The following HYDIN variants were observed in gnomAD, a reference collection of about 807,000 sequenced individuals.
HYDIN encodes HYDIN axonemal central pair apparatus protein, also known as axonemal central pair apparatus protein HYDIN.
A neutral mutation model predicts 403.9 loss-of-function variants in HYDIN; 132 were observed. The observed-to-expected ratio is 0.33, with a 90% CI of 0.28 to 0.38. HYDIN has a LOEUF of 0.38. Among genes scored for constraint, HYDIN ranks in the 10% least tolerant of loss-of-function variants. The pLI, the probability that HYDIN is intolerant of heterozygous loss-of-function variation, is 1.00. For synonymous variants in HYDIN, 1,202 were observed against 1,891.7 expected, an observed-to-expected ratio of 0.64 and a Z score of 9.46; for missense variants, 2,827 against 5,009.5, an observed-to-expected ratio of 0.56 and a Z score of 13.15.
chr16:71,081,092 G>A (rs973063803), intron 12 of HYDIN: 41 of 151,930 alleles, frequency 2.7e-4, no homozygotes, highest in Admixed American at 6.6e-4. Flanking sequence ...AAAATATTAA[G>A]TATGTGTTGT....
At chr16:71,178,474 C>A (rs2086774133) in intron 4 of HYDIN, among the ~76,000 whole-genome samples, 1 of 145,994 alleles carries the variant, frequency 6.8e-6, no homozygotes, top group African/African-American at 2.5e-5. Context: ...TACACACACA[C>A]ATACATATAT....
intron 18 of HYDIN, among the ~76,000 whole-genome samples, chr16:71,047,300 T>C (rs2144218340): frequency 6.6e-6 from 1 of 152,336 alleles, no homozygotes; most frequent in South Asian, 2.1e-4. Flanking sequence ...AGGAAGGTGC[T>C]GACCCATCAT....
At chr16:70,830,769 T>G (rs574240969) in intron 80 of HYDIN, among the ~76,000 whole-genome samples, 1 of 152,160 alleles carries the variant, frequency 6.6e-6, no homozygotes, top group African/African-American at 2.4e-5. Context: ...GGAGATGCCC[T>G]TTACTGATGT....
intron 21 of HYDIN, 52 bp from the exon 22 acceptor site, chr16:71,020,369 G>A (rs1366308948): frequency 1.1e-5 from 17 of 1,573,170 alleles, no homozygotes; most frequent in Non-Finnish European, 1.4e-5. Flanking sequence ...AATACAGTAA[G>A]CTTTTAGCAA....
At chr16:71,217,313 G>C (rs1489555396) in intron 1 of HYDIN, among the ~76,000 whole-genome samples, 3 of 152,110 alleles carry the variant, frequency 2.0e-5, no homozygotes, top group African/African-American at 4.8e-5. Context: ...CATGAATACA[G>C]GTACCTCTAC....
At chr16:71,172,715 A>G (rs1410437571) in intron 5 of HYDIN, among the ~76,000 whole-genome samples, 1 of 152,198 alleles carries the variant, frequency 6.6e-6, no homozygotes, top group Non-Finnish European at 1.5e-5. Flanking sequence ...AATCCAATTG[A>G]AAGAGGGCTG....
At position 70,807,645 on chromosome 16, in the gene HYDIN, G is replaced by A. The variant is rs767804783; in HGVS notation, c.15301C>T (p.Pro5101Ser). The change falls in exon 86 of 86, where the codon CCT (proline) becomes TCT (serine). Residue 5101 changes from proline to serine, a missense_variant. By Grantham distance (74) the Pro-to-Ser change is moderately conservative (BLOSUM62 -1). Transcript: ENST00000393567. ...PITTKLTVSC[P>S]PGEGSETGVK... ...CCAGTCTCACTCCCTTCACCAGGAG[G>A]GCAGCTCACAGTCAGCTTGGTGGTG... 1.9e-6 allele frequency: 3 copies of A among 1,613,988 alleles called. No individual in the cohort carries two copies. Among genetic ancestry groups the A allele is most frequent in the Non-Finnish European group, 2.5e-6 (3 of 1,180,012 alleles).
chr16:70,908,831 C>T lies in HYDIN; in HGVS notation c.8035G>A (p.Gly2679Arg). 6.2e-7 allele frequency: 1 copy of T among 1,614,168 alleles called. No homozygotes were observed. The highest frequency in any genetic ancestry group is 8.5e-7 in the Non-Finnish European group (1 of 1,180,046). ...TTTTCTTTCATTTTCTGTTTGCCCCCCTTAGATGAGCTGGTCTGCTCCTCT... is the reference window on the plus strand; with the variant it reads ...TTTTCTTTCATTTTCTGTTTGCCCCTCTTAGATGAGCTGGTCTGCTCCTCT... The part of the protein sequence containing the change: ...AQEEQTSSSK[G>R]GKQKMKEKID... Residue 2679 changes from glycine (G) to arginine (R), a missense_variant, in exon 48 of 86, where the codon GGG (glycine) becomes AGG (arginine). Transcript: ENST00000393567.
chr16:71,089,692 C>T (rs1056972863), intron 11 of HYDIN, among the ~76,000 whole-genome samples: 10 of 152,056 alleles, frequency 6.6e-5, no homozygotes, highest in African/African-American at 2.4e-4. Flanking sequence ...GGCATGACTG[C>T]AGAATCCAGA....
At chr16:71,119,674 C>T (rs1308547020) in intron 9 of HYDIN, among the ~76,000 whole-genome samples, 1 of 152,106 alleles carries the variant, frequency 6.6e-6, no homozygotes, top group Non-Finnish European at 1.5e-5. Flanking sequence ...CAGAAGGATG[C>T]TTTCAATGTG....
intron 18 of HYDIN, among the ~76,000 whole-genome samples, chr16:71,034,085 A>T (rs1156363283): frequency 1.3e-5 from 2 of 151,416 alleles, no homozygotes; most frequent in Non-Finnish European, 3.0e-5. Context: ...AGCTTCGTGA[A>T]GCTCCCTGAG....
rs1242067597 is a variant in HYDIN, at chr16:70,921,119, C to T, written c.7257G>A (p.Lys2419=). The change falls in exon 46 of 86, where the codon AAG becomes AAA. Residue 2419 remains lysine, a synonymous_variant. Transcript: ENST00000393567. ...QTMSEKEELN[K]KKRNMGDVSM... is the part of the protein sequence containing the mutation. ...TGACATCGCCCATGTTCCTTTTCTT[C>T]TTATTTAGCTCTTCCTTCTCAGACA... 8 of 1,541,152 alleles carry T rather than the reference C, an allele frequency of 5.2e-6. No homozygotes were observed. The South Asian group carries it at 7.9e-5, about 15-fold the overall frequency.
chr16:71,200,060 T>C (rs2087913845), intron 1 of HYDIN, among the ~76,000 whole-genome samples: 1 of 152,212 alleles, frequency 6.6e-6, no homozygotes. Context: ...GCCACGAGAA[T>C]GACCTCTGGT....
intron 18 of HYDIN, among the ~76,000 whole-genome samples, chr16:71,043,249 C>A (rs1224114100): frequency 3.4e-5 from 5 of 148,654 alleles, no homozygotes; most frequent in Non-Finnish European, 4.5e-5. Context: ...TGTTCTGGAA[C>A]TTAGTTATGG....
At position 70,919,479 on chromosome 16, in the gene HYDIN, C is replaced by T. The variant is rs368114463; in HGVS notation, c.7786-1050G>A. ...GTGGCAAGGCTTCTACTGTGGGCCG[C>T]GGCACATGGAAGTCACATGGATTGC... On this transcript the variant is annotated intron_variant, in intron 46 of 85. Transcript: ENST00000393567. 5.2e-4 allele frequency among the ~76,000 whole-genome samples: 79 copies of T among 152,076 alleles called. 1 individual carries two copies. The East Asian group carries it at 5.5e-3, about 11-fold the overall frequency.
intron 23 of HYDIN, among the ~76,000 whole-genome samples, chr16:70,996,542 T>C (rs893109745): frequency 6.6e-6 from 1 of 151,916 alleles, no homozygotes; most frequent in Non-Finnish European, 1.5e-5. Flanking sequence ...ACCCTCCGCA[T>C]CTGATTGCTG....
Position 71,069,157 on chromosome 16 carries a change from C to T in HYDIN, c.1974+110G>A, listed in dbSNP as rs552958332. 14 of 1,165,362 alleles carry T rather than the reference C, an allele frequency of 1.2e-5. No individual in the cohort carries two copies. In the East Asian group the frequency reaches 3.2e-4, roughly 26 times the overall value. 72.2% of individuals were successfully genotyped at this position (1,165,362 alleles called of 1,614,324 possible). A position where few individuals can be genotyped will look rare whatever the true frequency, so the allele number is the denominator to read the frequency against. On this transcript the variant is annotated intron_variant, in intron 14 of 85. Coordinates refer to ENST00000393567, the MANE Select transcript of HYDIN (RefSeq NM_001270974.2). ...ACGTTTCCCTGTAAATTGACAGGCA[C>T]CCCCTCCTGCTGACACTGGACATGC...
chr16:71,193,897 A>G (rs952976194), intron 1 of HYDIN, among the ~76,000 whole-genome samples: 1 of 152,144 alleles, frequency 6.6e-6, no homozygotes, highest in African/African-American at 2.4e-5. Flanking sequence ...TTCTTTGCAG[A>G]AAAGCCAGCA....
intron 30 of HYDIN, among the ~76,000 whole-genome samples, chr16:70,976,652 T>C (rs886259487): frequency 1.4e-4 from 21 of 151,970 alleles, no homozygotes; most frequent in South Asian, 4.2e-4. Context: ...CCTTTTTTTT[T>C]CAATTCCCTG....
Sources: gnomAD v4.1 joint callset for allele counts (sites outside exome capture counted in the v4.1 genomes callset) on GRCh38, gnomAD v4.1.1 for gene constraint, MANE v1.5 for transcripts, NCBI Gene and HGNC (gene_info 2026-07-23, HGNC 2026-07-21) for gene names.